Variants in POU6F2 observed in about 807,000 individuals in gnomAD.
The protein encoded by POU6F2 is POU class 6 homeobox 2.
In POU6F2, 31 loss-of-function variants were observed where a neutral mutation model predicts 71.3. The ratio of observed to expected loss-of-function variants is 0.43; its 90% CI spans 0.33 to 0.59. The LOEUF (loss-of-function observed/expected upper bound fraction) is 0.59, where lower values mean the gene tolerates loss of function less well. Among genes scored for constraint, POU6F2 ranks in the 20% least tolerant of loss-of-function variants. The probability of loss-of-function intolerance (pLI) is 0.04; values close to 1 mark genes in which losing one functional copy is unlikely to be tolerated. For synonymous variants in POU6F2, 347 were observed against 355.7 expected, an observed-to-expected ratio of 0.98 and a Z score of 0.27; for missense variants, 783 against 856.8, an observed-to-expected ratio of 0.91 and a Z score of 1.07.
intron 1 of POU6F2, among the ~76,000 whole-genome samples, chr7:38,982,043 T>C (rs1438283071): frequency 6.6e-6 from 1 of 152,220 alleles, no homozygotes; most frequent in Non-Finnish European, 1.5e-5. Flanking sequence ...AATTGATGTG[T>C]GATGCAAGTG....
intron 1 of POU6F2, among the ~76,000 whole-genome samples, chr7:39,001,563 A>T (rs1788906429): frequency 6.6e-6 from 1 of 152,348 alleles, no homozygotes; most frequent in Admixed American, 6.5e-5. Flanking sequence ...ACTTTAGATG[A>T]GGATATGTGG....
chr7:39,344,280 C>T (rs980121906), intron 5 of POU6F2, among the ~76,000 whole-genome samples: 13 of 152,170 alleles, frequency 8.5e-5, no homozygotes, highest in Non-Finnish European at 1.8e-4. Context: ...GGGGCACGGT[C>T]ACCTCCTCGG....
At chr7:39,305,182 C>T (rs1309576943) in intron 4 of POU6F2, among the ~76,000 whole-genome samples, 5 of 152,210 alleles carry the variant, frequency 3.3e-5, no homozygotes, top group African/African-American at 1.2e-4. Context: ...AACATGATTT[C>T]ATTTCATCTT....
At chr7:39,449,493 G>A (rs1473357479) in intron 7 of POU6F2, among the ~76,000 whole-genome samples, 2 of 152,156 alleles carry the variant, frequency 1.3e-5, no homozygotes, top group Non-Finnish European at 2.9e-5. Flanking sequence ...ATACATTGCT[G>A]GTGGGAACAT....
In POU6F2 at chr7:39,406,727, A is replaced by C. The variant is rs764127289; in HGVS notation, c.1100A>C (p.Asn367Thr). The C allele has an allele frequency of 9.3e-6, 15 of 1,613,450 alleles. No individual in the cohort carries two copies. In the Admixed American group the frequency reaches 2.2e-4, roughly 23 times the overall value. Reference sequence around the variant, plus strand: ...GGGGTCACAGGTCAACTAGTTACTAATGCACAAGGACAGGTGAGTGGGAGA... The same window carrying C: ...GGGGTCACAGGTCAACTAGTTACTACTGCACAAGGACAGGTGAGTGGGAGA... ...LQGVTGQLVT[N>T]AQGQIIGTIP... Residue 367 changes from asparagine (N) to threonine (T), a missense_variant, in exon 6 of 10, where the codon AAT becomes ACT. By Grantham distance (65) the Asn-to-Thr change is moderately conservative (BLOSUM62 0). Around this residue, in one of 2 missense-constraint regions of POU6F2, gnomAD observed 572 missense variants for 572.9 expected, o/e 1.00. Coordinates refer to ENST00000518318, the MANE Select transcript of POU6F2 (RefSeq NM_001370959.1).
At chr7:39,003,685 C>T (rs531119689) in intron 1 of POU6F2, among the ~76,000 whole-genome samples, 2 of 151,084 alleles carry the variant, frequency 1.3e-5, no homozygotes, top group East Asian at 3.9e-4. Context: ...GGAGGCAGAG[C>T]TTGCAGTGAG....
chr7:39,417,729 C>T (rs1460132052), intron 6 of POU6F2, among the ~76,000 whole-genome samples: 2 of 152,150 alleles, frequency 1.3e-5, no homozygotes, highest in Non-Finnish European at 2.9e-5. Context: ...ATGGACAGTG[C>T]AAATGTCCAT....
At chr7:39,099,925 C>T (rs549209295) in intron 2 of POU6F2, among the ~76,000 whole-genome samples, 5 of 152,274 alleles carry the variant, frequency 3.3e-5, no homozygotes, top group East Asian at 1.9e-4. Context: ...CTTTTCTCAA[C>T]GTAGCTTTCT....
At chr7:39,395,371 T>C (rs1425719911) in intron 5 of POU6F2, among the ~76,000 whole-genome samples, 1 of 152,164 alleles carries the variant, frequency 6.6e-6, no homozygotes. Context: ...AGAAGCCTGT[T>C]CCTCTCACCT....
chr7:39,018,293 C>T (rs976873965), intron 1 of POU6F2, among the ~76,000 whole-genome samples: 3 of 152,132 alleles, frequency 2.0e-5, no homozygotes, highest in Admixed American at 2.0e-4. Context: ...CAGAAATGCT[C>T]TCTCCATGAA....
chr7:39,382,177 A>G (rs1188442608), intron 5 of POU6F2, among the ~76,000 whole-genome samples: 2 of 152,234 alleles, frequency 1.3e-5, no homozygotes, highest in African/African-American at 2.4e-5. Context: ...CTGCAAAAGC[A>G]TGGAAGATTA....
chr7:39,067,565 A>G (rs1790784484), intron 1 of POU6F2, among the ~76,000 whole-genome samples: 1 of 152,060 alleles, frequency 6.6e-6, no homozygotes, highest in Non-Finnish European at 1.5e-5. Flanking sequence ...ATTTTCACTA[A>G]TCTCAATGTC....
At chr7:39,308,292 G>C (rs1346808940) in intron 4 of POU6F2, among the ~76,000 whole-genome samples, 2 of 152,180 alleles carry the variant, frequency 1.3e-5, no homozygotes, top group Non-Finnish European at 2.9e-5. Flanking sequence ...TGTTGGGGTG[G>C]GGGCACGGAT....
chr7:39,212,889 C>T (rs1333347501), intron 4 of POU6F2, among the ~76,000 whole-genome samples: 1 of 152,102 alleles, frequency 6.6e-6, no homozygotes, highest in East Asian at 1.9e-4. Context: ...GTGTTGGATC[C>T]TTTGCTTTTT....
intron 4 of POU6F2, among the ~76,000 whole-genome samples, chr7:39,216,935 C>T (rs1375284890): frequency 6.6e-6 from 1 of 151,884 alleles, no homozygotes; most frequent in Non-Finnish European, 1.5e-5. Flanking sequence ...CCTCCCCACC[C>T]ACACACACAC....
intron 4 of POU6F2, among the ~76,000 whole-genome samples, chr7:39,280,858 A>G (rs1784550598): frequency 6.6e-6 from 1 of 152,246 alleles, no homozygotes; most frequent in Admixed American, 6.5e-5. Context: ...ATCAGATCCT[A>G]TATTTGCAGT....
At chr7:39,026,914 C>G (rs898427050) in intron 1 of POU6F2, among the ~76,000 whole-genome samples, 2 of 152,058 alleles carry the variant, frequency 1.3e-5, no homozygotes, top group Admixed American at 1.3e-4. Flanking sequence ...TTCATCTCCT[C>G]TTTAGAAATT....
At chr7:39,206,713 A>G (rs1488099661) in intron 3 of POU6F2, among the ~76,000 whole-genome samples, 2 of 152,188 alleles carry the variant, frequency 1.3e-5, no homozygotes, top group East Asian at 3.8e-4. Flanking sequence ...GTAATAAGCT[A>G]TTTTCAATAT....
chr7:39,064,797 A>G (rs73373227), intron 1 of POU6F2, among the ~76,000 whole-genome samples: 2,654 of 151,898 alleles, frequency 0.017, 68 homozygotes, highest in African/African-American at 0.061. Context: ...AAACAAAAAA[A>G]CCCAAAGTAG....
Sources: allele counts gnomAD v4.1 joint callset (sites outside exome capture counted in the v4.1 genomes callset), GRCh38; gene constraint gnomAD v4.1.1; regional missense constraint gnomAD v4.1.1; transcripts MANE v1.5; gene names NCBI Gene and HGNC (gene_info 2026-07-23, HGNC 2026-07-21).